ADCY10: variants seen among roughly 807,000 people sequenced by gnomAD.
ADCY10 encodes adenylate cyclase type 10.
ADCY10 carries 156 observed loss-of-function variants against 183.3 expected under a neutral mutation model. The ratio of observed to expected loss-of-function variants is 0.85; its 90% CI spans 0.75 to 0.97. The LOEUF is 0.97. Ranked by LOEUF, ADCY10 falls within the 50% of genes least tolerant of loss-of-function variation. ADCY10 has a pLI of 0.00. For missense variants in ADCY10, 1,745 were observed against 1,934.3 expected (o/e 0.90, Z 1.84); for synonymous variants, 645 against 670.0 (o/e 0.96, Z 0.58).
At chr1:167,865,176 T>C (rs975220964) in intron 14 of ADCY10, among the ~76,000 whole-genome samples, 1 of 152,176 alleles carries the variant, frequency 6.6e-6, no homozygotes, top group Non-Finnish European at 1.5e-5. Flanking sequence ...AAGTAAAATA[T>C]ACTTTTGGTA....
chr1:167,888,140 T>C (rs1020524687), intron 8 of ADCY10, among the ~76,000 whole-genome samples: 1 of 152,240 alleles, frequency 6.6e-6, no homozygotes, highest in Non-Finnish European at 1.5e-5. Flanking sequence ...GGTCTATGTG[T>C]CTGTTTTCAT....
intron 1 of ADCY10, among the ~76,000 whole-genome samples, chr1:167,907,547 C>A (rs1315532618): frequency 5.9e-5 from 9 of 152,066 alleles, no homozygotes; most frequent in Admixed American, 5.2e-4. Context: ...TGGCATTGAC[C>A]AAAGCAAATT....
chr1:167,906,558 C>A (rs1490694341), intron 1 of ADCY10, among the ~76,000 whole-genome samples: 3 of 148,972 alleles, frequency 2.0e-5, no homozygotes, highest in Non-Finnish European at 4.4e-5. Flanking sequence ...GAGGCCTACA[C>A]AGGAGTATTG....
chr1:167,895,661 A>G (rs531185728), intron 7 of ADCY10, among the ~76,000 whole-genome samples: 72 of 152,172 alleles, frequency 4.7e-4, no homozygotes, highest in Non-Finnish European at 9.6e-4. Context: ...CTGTCCTAGA[A>G]TTCAGGACAA....
intron 18 of ADCY10, among the ~76,000 whole-genome samples, chr1:167,850,975 A>G (rs1185109521): frequency 6.6e-6 from 1 of 152,154 alleles, no homozygotes; most frequent in East Asian, 1.9e-4. Flanking sequence ...TAATTCAATT[A>G]TGTGAAAGAA....
chr1:167,861,381 C>G (rs1295875781), intron 14 of ADCY10, among the ~76,000 whole-genome samples: 1 of 152,228 alleles, frequency 6.6e-6, no homozygotes, highest in Admixed American at 6.5e-5. Context: ...ACGGCATGAA[C>G]CCAGGCCTCC....
Position 167,883,707 on chromosome 1 carries a change from G to A in ADCY10, c.829-79C>T, listed in dbSNP as rs539262334. ...CCAACACCGCCCCCACCTCATACCC[G>A]AAATCATCTAGGGAATGTCTACCTC... On this transcript the variant is annotated intron_variant, in intron 8 of 32. Coordinates refer to ENST00000367851, the MANE Select transcript of ADCY10 (RefSeq NM_018417.6). The A allele has an allele frequency of 5.2e-4, 688 of 1,333,702 alleles. No homozygotes were observed. In the African/African-American group the frequency reaches 8.3e-3, roughly 16 times the overall value. The allele number at this position is 1,333,702 out of a possible 1,614,324, so 82.6% of individuals were successfully genotyped here.
intron 8 of ADCY10, among the ~76,000 whole-genome samples, chr1:167,888,875 CAAAAAAAAAAAAAAAGA>C (rs1668414767): frequency 1.1e-5 from 1 of 94,184 alleles, no homozygotes; most frequent in Non-Finnish European, 2.0e-5. Context: ...GACTCCGTCT[CAAAAAAAAAAAAAAAGA>C]AAAAGAAAGA....
At chr1:167,827,399 C>T (rs989894817) in intron 26 of ADCY10, among the ~76,000 whole-genome samples, 1 of 150,252 alleles carries the variant, frequency 6.7e-6, no homozygotes, top group Non-Finnish European at 1.5e-5. Context: ...ATCTCCTTAC[C>T]TTGTGATCCG....
At position 167,834,219 on chromosome 1, in the gene ADCY10, G is replaced by T. The variant is rs146188117; in HGVS notation, c.3310-142C>A. The T allele has an allele frequency of 1.7e-3, 1,225 of 703,194 alleles. 16 individuals are homozygous for T. Among genetic ancestry groups the T allele is most frequent in the East Asian group, 0.017 (638 of 37,160 alleles). 43.6% of individuals were successfully genotyped at this position (703,194 alleles called of 1,614,324 possible). A position where few individuals can be genotyped will look rare whatever the true frequency, so the allele number is the denominator to read the frequency against. On this transcript the variant is annotated intron_variant, in intron 23 of 32. Transcript: ENST00000367851. Reference sequence around the variant, plus strand: ...CTCCACTTCCATCCCCAGCTCCACTGATTAAAATGGGCTTCCAAATTCCAG... The same window carrying T: ...CTCCACTTCCATCCCCAGCTCCACTTATTAAAATGGGCTTCCAAATTCCAG...
chr1:167,899,325 A>G, intron 6 of ADCY10, 98 bp downstream of exon 6: 1 of 1,221,954 alleles, frequency 8.2e-7, no homozygotes, highest in Non-Finnish European at 1.2e-6. Flanking sequence ...TCTCCAGCCC[A>G]GGAGCTTTAT....
intron 14 of ADCY10, among the ~76,000 whole-genome samples, chr1:167,868,031 G>A (rs772592360): frequency 7.9e-5 from 12 of 152,082 alleles, no homozygotes; most frequent in Non-Finnish European, 1.3e-4. Context: ...TCTGGGCGTC[G>A]ATAAAAAAGG....
chr1:167,836,182 A>T, intron 23 of ADCY10, 127 bp downstream of exon 23: 1 of 720,236 alleles, frequency 1.4e-6, no homozygotes, highest in Non-Finnish European at 2.5e-6. Context: ...TGTGATTTTC[A>T]GTGGAAAGGG....
Position 167,830,762 on chromosome 1 carries a change from A to G in ADCY10, c.3594-1339T>C, listed in dbSNP as rs908608086. Among the ~76,000 whole-genome samples, 24 of 152,334 alleles carry G rather than the reference A, an allele frequency of 1.6e-4. No individual in the cohort carries two copies. The Middle Eastern group carries it at 0.01, about 65-fold the overall frequency. On this transcript the variant is annotated intron_variant, in intron 25 of 32. Coordinates refer to ENST00000367851, the MANE Select transcript of ADCY10 (RefSeq NM_018417.6). Reference sequence around the variant, plus strand: ...TCTTGGGCCCCCAAAATCACTAAGGAAAACTCAAGCTGGAAACTGCTTAGG... The same window carrying G: ...TCTTGGGCCCCCAAAATCACTAAGGGAAACTCAAGCTGGAAACTGCTTAGG...
At position 167,880,169 on chromosome 1, in the gene ADCY10, T is replaced by C. The variant is rs771957319; in HGVS notation, c.1162A>G (p.Ser388Gly). ...KIQTVSIGVASGIVFCGIVGH... is the reference protein window; with the variant it reads ...KIQTVSIGVAGGIVFCGIVGH... ...ACGATCCCACAGAAGACAATCCCAC[T>C]GGCAACACCGATGGATACAGTTCTG... Residue 388 changes from serine (S) to glycine (G), a missense_variant, in exon 11 of 33, where the codon AGT becomes GGT. Transcript: ENST00000367851. 1.9e-6 allele frequency: 3 copies of C among 1,613,474 alleles called. No homozygotes were observed. Among genetic ancestry groups the C allele is most frequent in the East Asian group, 4.5e-5 (2 of 44,882 alleles).
At chr1:167,858,665 T>C (rs1306374589) in intron 16 of ADCY10, among the ~76,000 whole-genome samples, 4 of 152,216 alleles carry the variant, frequency 2.6e-5, no homozygotes, top group Non-Finnish European at 5.9e-5. Flanking sequence ...ATTAGTCATG[T>C]CTAGTGATCT....
intron 14 of ADCY10, among the ~76,000 whole-genome samples, chr1:167,862,611 G>A (rs184300260): frequency 1.1e-3 from 166 of 152,268 alleles, no homozygotes; most frequent in African/African-American, 3.8e-3. Context: ...AGAGGCCCCG[G>A]CTAGTGAATA....
chr1:167,869,619 C>T (rs913477971), intron 14 of ADCY10, among the ~76,000 whole-genome samples: 5 of 152,104 alleles, frequency 3.3e-5, no homozygotes, highest in African/African-American at 1.2e-4. Context: ...CTATAGATTC[C>T]ACACATTGTA....
intron 25 of ADCY10, 25 bp from the exon 26 acceptor site, chr1:167,829,448 G>A: frequency 6.2e-7 from 1 of 1,613,756 alleles, no homozygotes. Context: ...AAACACAAAT[G>A]GAACATGAAA....
Sources: gnomAD v4.1 joint callset for allele counts (sites outside exome capture counted in the v4.1 genomes callset) on GRCh38, gnomAD v4.1.1 for gene constraint, MANE v1.5 for transcripts, NCBI Gene and HGNC (gene_info 2026-07-23, HGNC 2026-07-21) for gene names.